Variants in LIMCH1 observed in about 807,000 individuals in gnomAD.
The protein encoded by LIMCH1 is LIM and calponin homology domains 1.
In LIMCH1, 113 loss-of-function variants were observed where a neutral mutation model predicts 176.5. That is an observed-to-expected ratio of 0.64 (90% confidence interval 0.55 to 0.75). LIMCH1 has a LOEUF of 0.75. Among genes scored for constraint, LIMCH1 ranks in the 30% least tolerant of loss-of-function variants. LIMCH1 has a pLI of 0.00. For missense variants in LIMCH1, 1,674 were observed against 1,814.9 expected (o/e 0.92, Z 1.41); for synonymous variants, 619 against 645.9 (o/e 0.96, Z 0.63).
At chr4:41,690,136 G>T (rs182225989) in intron 30 of LIMCH1, among the ~76,000 whole-genome samples, 65 of 152,256 alleles carry the variant, frequency 4.3e-4, no homozygotes, top group African/African-American at 1.5e-3. Flanking sequence ...CAAAAAAGCT[G>T]CCCTGCCCAC....
In LIMCH1 at chr4:41,697,216, A is replaced by T. The variant is rs900469365; in HGVS notation, c.*31A>T. 1 of 1,609,232 alleles carries T rather than the reference A, an allele frequency of 6.2e-7. No individual in the cohort carries two copies. The highest frequency in any genetic ancestry group is 1.3e-5 in the African/African-American group (1 of 74,878). ...CTTTCAAGCTTCCGGATCACTCACC[A>T]TTTCTTTACTGAGAGTGTCCCCTGG... is the stretch of plus-strand genomic sequence containing the variant. On this transcript the variant is annotated 3_prime_UTR_variant, in exon 32 of 32. Transcript: ENST00000503057.
At chr4:41,367,252 A>G (rs2053160883) in intron 1 of LIMCH1, among the ~76,000 whole-genome samples, 1 of 152,230 alleles carries the variant, frequency 6.6e-6, no homozygotes, top group African/African-American at 2.4e-5. Flanking sequence ...GCATCAGGAA[A>G]AGGACAGATG....
chr4:41,456,739 A>C (rs747261033), intron 1 of LIMCH1, among the ~76,000 whole-genome samples: 7 of 152,212 alleles, frequency 4.6e-5, no homozygotes, highest in Non-Finnish European at 1.0e-4. Context: ...AGAGTTCTGC[A>C]GGGCTAGCTT....
intron 1 of LIMCH1, among the ~76,000 whole-genome samples, chr4:41,539,093 G>T (rs2078297792): frequency 6.6e-6 from 1 of 152,192 alleles, no homozygotes; most frequent in Admixed American, 6.6e-5. Context: ...TATGAGGCTG[G>T]GTTGAAAATC....
intron 3 of LIMCH1, among the ~76,000 whole-genome samples, chr4:41,530,174 C>A (rs1052233826): frequency 2.6e-4 from 39 of 152,130 alleles, no homozygotes; most frequent in Admixed American, 1.3e-3. Context: ...GTGATTTCCA[C>A]ATTATGAGAA....
At chr4:41,431,971 ATAAT>A (rs778129281) in intron 1 of LIMCH1, among the ~76,000 whole-genome samples, 1 of 152,232 alleles carries the variant, frequency 6.6e-6, no homozygotes, top group Non-Finnish European at 1.5e-5. Flanking sequence ...CTATGAAATC[ATAAT>A]TAATCTTCTC....
chr4:41,667,551 G>A (rs146290637), intron 21 of LIMCH1, among the ~76,000 whole-genome samples: 91 of 152,226 alleles, frequency 6.0e-4, no homozygotes, highest in African/African-American at 1.5e-3. Context: ...CTCTAGAAAC[G>A]TGGGCATTTA....
Position 41,611,351 on chromosome 4 carries a change from T to G in LIMCH1, c.10-2115T>G, listed in dbSNP as rs573444455. ...ACAACAATGAAATCACCTAATGACA[T>G]ATCCCTGTCATTCAGCAACACATAA... On this transcript the variant is annotated intron_variant, in intron 4 of 31. Transcript: ENST00000503057. Among the ~76,000 whole-genome samples the G allele has an allele frequency of 2.0e-5, 3 of 152,358 alleles. No individual in the cohort carries two copies. In the South Asian group the frequency reaches 6.2e-4, roughly 32 times the overall value.
intron 1 of LIMCH1, among the ~76,000 whole-genome samples, chr4:41,550,838 A>T (rs1216520348): frequency 3.3e-5 from 5 of 152,196 alleles, no homozygotes; most frequent in Admixed American, 1.3e-4. Context: ...GAAAAAGTAA[A>T]AGCTTTGACT....
At chr4:41,461,662 T>C (rs960246109) in intron 1 of LIMCH1, among the ~76,000 whole-genome samples, 1 of 152,202 alleles carries the variant, frequency 6.6e-6, no homozygotes, top group Non-Finnish European at 1.5e-5. Flanking sequence ...TGAGGGCCAG[T>C]GCCTGATTTC....
intron 25 of LIMCH1, 125 bp downstream of exon 25, chr4:41,681,184 T>C: frequency 1.8e-6 from 1 of 562,098 alleles, no homozygotes; most frequent in Non-Finnish European, 3.2e-6. Flanking sequence ...TCCCCTAGAA[T>C]CACGTCAGCT....
At chr4:41,374,528 TA>T (rs2054440809) in intron 1 of LIMCH1, among the ~76,000 whole-genome samples, 1 of 151,938 alleles carries the variant, frequency 6.6e-6, no homozygotes, top group Non-Finnish European at 1.5e-5. Context: ...TATTTTATTT[TA>T]AACTCTGTGT....
intron 21 of LIMCH1, chr4:41,670,891 G>GA: frequency 6.7e-7 from 1 of 1,482,590 alleles, no homozygotes. Context: ...GATTTCTGGG[G>GA]AAAAAATTAT....
At chr4:41,603,079 G>T (rs889970921) in intron 2 of LIMCH1, among the ~76,000 whole-genome samples, 1 of 152,032 alleles carries the variant, frequency 6.6e-6, no homozygotes, top group Non-Finnish European at 1.5e-5. Context: ...AGTAATCAGG[G>T]TCTAAATACT....
At chr4:41,431,223 A>G (rs1393304441) in intron 1 of LIMCH1, among the ~76,000 whole-genome samples, 1 of 152,186 alleles carries the variant, frequency 6.6e-6, no homozygotes, top group Non-Finnish European at 1.5e-5. Flanking sequence ...CAAAATTCAG[A>G]GGAAGGGTCA....
chr4:41,373,447 A>G (rs1374010877), intron 1 of LIMCH1, among the ~76,000 whole-genome samples: 4 of 152,244 alleles, frequency 2.6e-5, no homozygotes, highest in Non-Finnish European at 4.4e-5. Context: ...GGCCTGGGCC[A>G]TGGCTGGCCT....
At chr4:41,388,390 G>A (rs1339447489) in intron 1 of LIMCH1, among the ~76,000 whole-genome samples, 1 of 152,242 alleles carries the variant, frequency 6.6e-6, no homozygotes, top group Non-Finnish European at 1.5e-5. Context: ...GCGAAAGACT[G>A]TACATTGTGT....
At chr4:41,617,981 G>T (rs2092269340) in intron 5 of LIMCH1, among the ~76,000 whole-genome samples, 1 of 152,156 alleles carries the variant, frequency 6.6e-6, no homozygotes, top group African/African-American at 2.4e-5. Flanking sequence ...TTGTAAATTG[G>T]GAAACTGAGG....
At chr4:41,475,641 A>G (rs1035835774) in intron 1 of LIMCH1, among the ~76,000 whole-genome samples, 19 of 152,154 alleles carry the variant, frequency 1.2e-4, no homozygotes, top group African/African-American at 4.6e-4. Context: ...ACTTGATTAT[A>G]AAGAATGTGG....
Sources: allele counts gnomAD v4.1 joint callset (sites outside exome capture counted in the v4.1 genomes callset), GRCh38; gene constraint gnomAD v4.1.1; transcripts MANE v1.5; gene names NCBI Gene and HGNC (gene_info 2026-07-23, HGNC 2026-07-21).